TMEM94: variants seen among roughly 807,000 people sequenced by gnomAD.
TMEM94 encodes the protein transmembrane protein 94, also known as ER Mg2+ ATPase.
Under a neutral mutation model 158.6 loss-of-function variants are expected in TMEM94, and 81 were observed. That is an observed-to-expected ratio of 0.51 (90% CI 0.43 to 0.61). TMEM94 has a LOEUF of 0.61. TMEM94 is among the 20% of genes least tolerant of loss of function. The pLI is 0.00. For synonymous variants in TMEM94, 751 were observed against 730.7 expected, an observed-to-expected ratio of 1.03 and a Z score of -0.45; for missense variants, 1,435 against 1,762.0, an observed-to-expected ratio of 0.81 and a Z score of 3.32.
In TMEM94 at chr17:75,491,199, T is replaced by C. The variant is rs1567956959; in HGVS notation, c.1233+46T>C. 22 of 1,591,004 alleles carry C rather than the reference T, an allele frequency of 1.4e-5. No individual in the cohort carries two copies. Among genetic ancestry groups the C allele is most frequent in the Non-Finnish European group, 1.7e-5 (20 of 1,164,240 alleles). On this transcript the variant is annotated intron_variant, in intron 12 of 31. Transcript: ENST00000314256. The surrounding 1 kb of genome is among the most constrained non-coding windows in gnomAD (Gnocchi z 5.1). ...GAGGAGGCAACTGTCATGCCCGCCC[T>C]GCTCTCTGGCTGGGCCTGGGCTGCC...
In TMEM94 at chr17:75,489,325, C is replaced by T. The variant is rs1437779219; in HGVS notation, c.824C>T (p.Thr275Ile). 1 of 1,614,242 alleles carries T rather than the reference C, an allele frequency of 6.2e-7. No homozygotes were observed. The highest frequency in any genetic ancestry group is 8.5e-7 in the Non-Finnish European group (1 of 1,180,046). Reference sequence around the variant, plus strand: ...ACTGCCCTGGACAATGAGCGGTTCACAGTGCAGTCGGTGATGCTACACTAT... The same window carrying T: ...ACTGCCCTGGACAATGAGCGGTTCATAGTGCAGTCGGTGATGCTACACTAT... Reference protein sequence around the residue: ...PVTALDNERFTVQSVMLHYAV... With the variant: ...PVTALDNERFIVQSVMLHYAV... Residue 275 changes from threonine (T) to isoleucine (I), a missense_variant, in exon 8 of 32, where the codon ACA becomes ATA. Thr to Ile is a moderately conservative substitution (Grantham distance 89). Transcript: ENST00000314256. This position sits in a 1 kb window ranked among gnomAD's most constrained non-coding sequence, Gnocchi z 5.0.
intron 2 of TMEM94, among the ~76,000 whole-genome samples, chr17:75,482,989 A>G (rs1007565071): frequency 6.6e-6 from 1 of 152,162 alleles, no homozygotes; most frequent in Non-Finnish European, 1.5e-5. Context: ...GACACCATTG[A>G]CATGTAAACC....
intron 2 of TMEM94, among the ~76,000 whole-genome samples, chr17:75,479,368 G>C (rs1243699649): frequency 6.6e-6 from 1 of 152,014 alleles, no homozygotes; most frequent in Non-Finnish European, 1.5e-5. Context: ...TGCCGAAGCT[G>C]GAGTACAGTG....
intron 2 of TMEM94, among the ~76,000 whole-genome samples, chr17:75,482,909 C>T (rs577738483): frequency 3.3e-5 from 5 of 152,102 alleles, no homozygotes; most frequent in Admixed American, 2.0e-4. Flanking sequence ...TGCAGTCTGG[C>T]GGGAGAGCCA....
At position 75,491,159 on chromosome 17, in the gene TMEM94, G is replaced by A; in HGVS notation, c.1233+6G>A. The A allele has an allele frequency of 1.2e-6, 2 of 1,605,486 alleles. No homozygotes were observed. The highest frequency in any genetic ancestry group is 2.2e-5 in the East Asian group (1 of 44,732). Reference sequence around the variant, plus strand: ...ACAGCCTGGGCTCTGTCACGGTGAGGGTGGGCCTTGCGGGGAGGAGGCAAC... The same window carrying A: ...ACAGCCTGGGCTCTGTCACGGTGAGAGTGGGCCTTGCGGGGAGGAGGCAAC... On this transcript the variant is annotated splice_donor_region_variant and intron_variant, in intron 12 of 31. Transcript: ENST00000314256. The surrounding 1 kb of genome is among the most constrained non-coding windows in gnomAD (Gnocchi z 5.1).
Position 75,488,103 on chromosome 17 carries a change from A to G in TMEM94, c.581A>G (p.Gln194Arg). ...EGDIIALRPG[Q>R]ESFASLRGIK... is the part of the protein sequence containing the mutation. ...GACATCATAGCTTTGAGGCCTGGCC[A>G]GGAATCGTTTGCTTCTCTGAGGGGG... The change falls in exon 6 of 32, where the codon CAG (glutamine) becomes CGG (arginine). Residue 194 changes from glutamine to arginine, a missense_variant. By Grantham distance (43) the Gln-to-Arg change is conservative. Around this residue, in one of 3 missense-constraint regions of TMEM94, gnomAD observed 1,051 missense variants for 1,254.4 expected, o/e 0.84. Coordinates refer to ENST00000314256, the MANE Select transcript of TMEM94 (RefSeq NM_014738.6). The G allele has an allele frequency of 6.2e-7, 1 of 1,614,224 alleles. No individual in the cohort carries two copies.
rs1230686762 is a variant in TMEM94, at chr17:75,489,329, G to T, written c.828G>T (p.Val276=). Residue 276 remains valine, a synonymous_variant, in exon 8 of 32, where the codon GTG becomes GTT. Coordinates refer to ENST00000314256, the MANE Select transcript of TMEM94 (RefSeq NM_014738.6). This position sits in a 1 kb window ranked among gnomAD's most constrained non-coding sequence, Gnocchi z 5.0. ...CCCTGGACAATGAGCGGTTCACAGT[G>T]CAGTCGGTGATGCTACACTATGCTG... The part of the protein sequence containing the change: ...VTALDNERFT[V]QSVMLHYAVP... The T allele has an allele frequency of 6.2e-7, 1 of 1,614,216 alleles. No homozygotes were observed.
At position 75,487,919 on chromosome 17, in the gene TMEM94, C is replaced by A; in HGVS notation, c.410-13C>A. ...GGCTGAGAGGGTTGTTTCCCTCTTT[C>A]CATTCCCCTCAGATGCCCTCAGGGA... On this transcript the variant is annotated splice_polypyrimidine_tract_variant and intron_variant, in intron 5 of 31. Coordinates refer to ENST00000314256, the MANE Select transcript of TMEM94 (RefSeq NM_014738.6). This position sits in a 1 kb window ranked among gnomAD's most constrained non-coding sequence, Gnocchi z 4.6. 6.2e-7 allele frequency: 1 copy of A among 1,610,336 alleles called. No homozygotes were observed. Among genetic ancestry groups the A allele is most frequent in the Non-Finnish European group, 8.5e-7 (1 of 1,176,918 alleles).
chr17:75,496,944 G>T (rs1223590029), intron 25 of TMEM94, 137 bp downstream of exon 25: 2 of 1,078,978 alleles, frequency 1.9e-6, no homozygotes, highest in Non-Finnish European at 2.8e-6. Context: ...GAAGCCCCTG[G>T]GCTTTTTGAG....
Position 75,498,164 on chromosome 17 carries a change from T to G in TMEM94, c.3490-11T>G. ...TGTGCGCCCCAGGAGTGACTGGCCTTGTTCCCGCAGACCCAGCACTACTTC... is the reference window on the plus strand; with the variant it reads ...TGTGCGCCCCAGGAGTGACTGGCCTGGTTCCCGCAGACCCAGCACTACTTC... On this transcript the variant is annotated splice_polypyrimidine_tract_variant and intron_variant, in intron 27 of 31. Coordinates refer to ENST00000314256, the MANE Select transcript of TMEM94 (RefSeq NM_014738.6). The surrounding 1 kb of genome is among the most constrained non-coding windows in gnomAD (Gnocchi z 6.7). 1 of 1,613,664 alleles carries G rather than the reference T, an allele frequency of 6.2e-7. No individual in the cohort carries two copies. Among genetic ancestry groups the G allele is most frequent in the East Asian group, 2.2e-5 (1 of 44,874 alleles).
chr17:75,486,648 A>G (rs1470415259), intron 5 of TMEM94, among the ~76,000 whole-genome samples: 2 of 152,196 alleles, frequency 1.3e-5, no homozygotes, highest in African/African-American at 4.8e-5. Flanking sequence ...GGCAGGCAGG[A>G]AGGCCAACAG....
At chr17:75,497,945 A>G in intron 27 of TMEM94, 83 bp downstream of exon 27, 1 of 1,350,816 alleles carries the variant, frequency 7.4e-7, no homozygotes, top group Non-Finnish European at 1.1e-6. Context: ...GCTAATCTGG[A>G]AGGCTCTGGA....
At position 75,499,349 on chromosome 17, in the gene TMEM94, T is replaced by C; in HGVS notation, c.*15T>C. Reference sequence around the variant, plus strand: ...CTCCCTTCTGAGCCACTGGCTGTGGTGGCTGTAGTTGCCCCCGTCCCTGGG... The same window carrying C: ...CTCCCTTCTGAGCCACTGGCTGTGGCGGCTGTAGTTGCCCCCGTCCCTGGG... On this transcript the variant is annotated 3_prime_UTR_variant, in exon 32 of 32. Coordinates refer to ENST00000314256, the MANE Select transcript of TMEM94 (RefSeq NM_014738.6). 1 of 1,610,772 alleles carries C rather than the reference T, an allele frequency of 6.2e-7. No homozygotes were observed. The highest frequency in any genetic ancestry group is 1.1e-5 in the South Asian group (1 of 91,028).
chr17:75,480,606 A>G (rs1166849853), intron 2 of TMEM94, among the ~76,000 whole-genome samples: 1 of 152,152 alleles, frequency 6.6e-6, no homozygotes, highest in Non-Finnish European at 1.5e-5. Context: ...CACGAGAATC[A>G]ATGAATGTCC....
In TMEM94 at chr17:75,493,074, C is replaced by T; in HGVS notation, c.2058C>T (p.Ile686=). ...TKRRPPLSHM[I]SLFIKDTTTS... Reference sequence around the variant, plus strand: ...GGCGGCCTCCCCTCAGCCACATGATCAGCCTCTTCATTAAAGACACCACCA... The same window carrying T: ...GGCGGCCTCCCCTCAGCCACATGATTAGCCTCTTCATTAAAGACACCACCA... The change falls in exon 16 of 32, where the codon ATC becomes ATT. Residue 686 remains isoleucine (I), a synonymous_variant. Transcript: ENST00000314256. 1.9e-6 allele frequency: 3 copies of T among 1,613,362 alleles called. No homozygotes were observed. The highest frequency in any genetic ancestry group is 1.7e-6 in the Non-Finnish European group (2 of 1,180,020).
chr17:75,476,805 GGGAGTCTTC>G, intron 2 of TMEM94: 1 of 1,532,648 alleles, frequency 6.5e-7, no homozygotes, highest in South Asian at 1.2e-5. Context: ...TGCTTTGTGT[GGGAGTCTTC>G]GGGTTAGCGG....
Position 75,497,192 on chromosome 17 carries a change from T to C in TMEM94, c.3401T>C (p.Leu1134Pro). Residue 1134 changes from leucine (L) to proline (P), a missense_variant, in exon 26 of 32, where the codon CTG (leucine) becomes CCG (proline). Leu to Pro is a moderately conservative substitution (Grantham distance 98). Around this residue, in one of 3 missense-constraint regions of TMEM94, gnomAD observed 335 missense variants for 409.1 expected, o/e 0.82. Coordinates refer to ENST00000314256, the MANE Select transcript of TMEM94 (RefSeq NM_014738.6). ...ILWLSCFCYPLLSISLLGKPP... is the reference protein window; with the variant it reads ...ILWLSCFCYPPLSISLLGKPP... The stretch of plus-strand genomic sequence containing the variant: ...TGGCTGTCCTGCTTTTGCTACCCTC[T>C]GCTCAGGTGAGATGCCATGTATCTT... The C allele has an allele frequency of 1.2e-6, 2 of 1,613,578 alleles. No homozygotes were observed.
At chr17:75,481,075 C>G (rs2051123497) in intron 2 of TMEM94, among the ~76,000 whole-genome samples, 1 of 152,206 alleles carries the variant, frequency 6.6e-6, no homozygotes, top group African/African-American at 2.4e-5. Flanking sequence ...AGGAGAAGGC[C>G]TATGGTCTCC....
chr17:75,494,669 C>T lies in TMEM94; in HGVS notation c.2450C>T (p.Ala817Val). ...CTGGAGAAGGAAGACTGCATGCAGGCCCTGAGCGGCCAGATCTTCATGGGC... is the reference window on the plus strand; with the variant it reads ...CTGGAGAAGGAAGACTGCATGCAGGTCCTGAGCGGCCAGATCTTCATGGGC... ...EVLEKEDCMQALSGQIFMGMV... is the reference protein window; with the variant it reads ...EVLEKEDCMQVLSGQIFMGMV... Residue 817 changes from alanine (A) to valine (V), a missense_variant, in exon 19 of 32, where the codon GCC (alanine) becomes GTC (valine). Around this residue, in one of 3 missense-constraint regions of TMEM94, gnomAD observed 1,051 missense variants for 1,254.4 expected, o/e 0.84. Transcript: ENST00000314256. 1.2e-6 allele frequency: 2 copies of T among 1,613,712 alleles called. No homozygotes were observed. The highest frequency in any genetic ancestry group is 2.7e-5 in the African/African-American group (2 of 75,034).
Sources: gnomAD v4.1 joint callset for allele counts (sites outside exome capture counted in the v4.1 genomes callset) on GRCh38, gnomAD v4.1.1 for gene constraint, gnomAD v4.1.1 regional missense constraint, Gnocchi (gnomAD v3.1) non-coding constraint, MANE v1.5 for transcripts, NCBI Gene and HGNC (gene_info 2026-07-23, HGNC 2026-07-21) for gene names.